The following ZNF888 variants were observed in gnomAD, a reference collection of about 807,000 sequenced individuals.
ZNF888 encodes CTD-2331H12.6.
Under a neutral mutation model 7.2 loss-of-function variants are expected in ZNF888, and 5 were observed. The ratio of observed to expected loss-of-function variants is 0.70; its 90% CI spans 0.36 to 1.46. ZNF888 has a LOEUF of 1.46. Among genes scored for constraint, ZNF888 ranks in the 40% most tolerant of loss-of-function variants. The pLI is 0.03. For synonymous variants in ZNF888, 240 were observed against 284.3 expected, an observed-to-expected ratio of 0.84 and a Z score of 1.57; for missense variants, 716 against 858.0, an observed-to-expected ratio of 0.83 and a Z score of 2.07.
At chr19:52,909,329 C>T (rs2064649777) in intron 4 of ZNF888, among the ~76,000 whole-genome samples, 2 of 151,190 alleles carry the variant, frequency 1.3e-5, no homozygotes, top group African/African-American at 2.4e-5. Flanking sequence ...CTCACTGTAA[C>T]CTCAACCTCC....
rs1037082426 is a variant in ZNF888, at chr19:52,917,261, A to C, written c.15+598T>G. The C allele has an allele frequency of 2.3e-5, 4 of 171,230 alleles. No individual in the cohort carries two copies. The South Asian group carries it at 4.2e-4, about 18-fold the overall frequency. The allele number at this position is 171,230 out of a possible 1,614,324, so 10.6% of individuals were successfully genotyped here. A position where few individuals can be genotyped will look rare whatever the true frequency, so the allele number is the denominator to read the frequency against. ...AATGGTGCAATCTCAGGTCACTGCA[A>C]CCTCCGCCTCCCGATTTCAAGTCAT... On this transcript the variant is annotated intron_variant, in intron 3 of 4. Transcript: ENST00000638862.
rs569563460 is a variant in ZNF888 at position 52,920,722 on chromosome 19, C to T, written c.-177-1785G>A. On this transcript the variant is annotated intron_variant, in intron 1 of 4. Coordinates refer to ENST00000638862, the MANE Select transcript of ZNF888 (RefSeq NM_001393938.1). ...GAAAATGTTTAAATTTACCTATAGC[C>T]TGGAGGCCTGCCCACCACCCCTTTG... Among the ~76,000 whole-genome samples the T allele has an allele frequency of 1.4e-3, 89 of 62,736 alleles. 37 individuals are homozygous for T. The highest frequency in any genetic ancestry group is 2.8e-3 in the Non-Finnish European group (75 of 27,176). The allele number at this position is 62,736 out of a possible 152,430, so 41.2% of individuals were successfully genotyped here.
intron 2 of ZNF888, 127 bp from the exon 3 acceptor site, chr19:52,918,058 G>A: frequency 1.4e-6 from 2 of 1,452,082 alleles, no homozygotes; most frequent in Admixed American, 2.6e-5. Flanking sequence ...CCACTCTGCT[G>A]CCCACCATAC....
Position 52,917,906 on chromosome 19 carries a change from G to C in ZNF888, c.-33C>G, listed in dbSNP as rs1315223648. ...TCCTTTGCTTTCCTCTTCCTCTTCTGAGTTTCTTCTTCACATACCCAGAGT... is the reference window on the plus strand; with the variant it reads ...TCCTTTGCTTTCCTCTTCCTCTTCTCAGTTTCTTCTTCACATACCCAGAGT... On this transcript the variant is annotated 5_prime_UTR_variant, in exon 3 of 5. Transcript: ENST00000638862. 6.2e-7 allele frequency: 1 copy of C among 1,610,848 alleles called. No homozygotes were observed. The highest frequency in any genetic ancestry group is 8.5e-7 in the Non-Finnish European group (1 of 1,179,984).
Position 52,905,377 on chromosome 19 carries a change from A to C in ZNF888, c.*788T>G, listed in dbSNP as rs1340694343. The C allele has an allele frequency of 2.6e-5, 4 of 154,312 alleles. No homozygotes were observed. The highest frequency in any genetic ancestry group is 5.7e-5 in the Non-Finnish European group (4 of 70,412). The allele number at this position is 154,312 out of a possible 1,614,324, so 9.6% of individuals were successfully genotyped here. A position where few individuals can be genotyped will look rare whatever the true frequency, so the allele number is the denominator to read the frequency against. Reference sequence around the variant, plus strand: ...TCCACTACCTACCCAAATCCTATAAAACGGCCCCACCCCATCTCCCTTCCC... The same window carrying C: ...TCCACTACCTACCCAAATCCTATAACACGGCCCCACCCCATCTCCCTTCCC... On this transcript the variant is annotated 3_prime_UTR_variant, in exon 5 of 5. Transcript: ENST00000638862.
intron 4 of ZNF888, among the ~76,000 whole-genome samples, chr19:52,912,400 A>G (rs553645740): frequency 1.3e-5 from 2 of 150,738 alleles, no homozygotes; most frequent in South Asian, 2.2e-4. Context: ...GGCATGAGCC[A>G]CCGTGCCTGG....
At chr19:52,921,615 C>G in intron 1 of ZNF888, 1 of 969,054 alleles carries the variant, frequency 1.0e-6, no homozygotes, top group Non-Finnish European at 1.2e-6. Context: ...TTAATTTTTC[C>G]TTACAAGAAA....
intron 4 of ZNF888, chr19:52,913,863 C>T (rs1298273736): frequency 4.3e-5 from 21 of 493,854 alleles, no homozygotes; most frequent in Non-Finnish European, 4.7e-5. Flanking sequence ...TGGTGGCTCA[C>T]GCCTGTAATC....
chr19:52,910,718 T>C (rs138232017), intron 4 of ZNF888, among the ~76,000 whole-genome samples: 1 of 152,202 alleles, frequency 6.6e-6, no homozygotes, highest in East Asian at 1.9e-4. Context: ...CAGGAACTTA[T>C]TTGGCTGGCA....
chr19:52,918,514 A>T (rs2064776136), intron 2 of ZNF888, among the ~76,000 whole-genome samples: 1 of 152,140 alleles, frequency 6.6e-6, no homozygotes, highest in South Asian at 2.1e-4. Context: ...TGAAGCCTGT[A>T]ATACTAGCAC....
rs1256601634 is a variant in ZNF888, at chr19:52,918,963, C to T, written c.-177-26G>A. On this transcript the variant is annotated intron_variant, in intron 1 of 4. Coordinates refer to ENST00000638862, the MANE Select transcript of ZNF888 (RefSeq NM_001393938.1). ...CTGTTTGAAAAAAAAAAAAAATCTC[C>T]CTCTCCCTCCCCCTCCCTCTCCCTC... 2 of 2,752 alleles carry T rather than the reference C, an allele frequency of 7.3e-4. 1 individual carries two copies. The highest frequency in any genetic ancestry group is 0.01 in the Admixed American group (2 of 200). 0.2% of individuals were successfully genotyped at this position (2,752 alleles called of 1,614,324 possible). A position where few individuals can be genotyped will look rare whatever the true frequency, so the allele number is the denominator to read the frequency against.
intron 4 of ZNF888, among the ~76,000 whole-genome samples, chr19:52,912,355 C>T (rs901656120): frequency 4.0e-5 from 6 of 151,100 alleles, no homozygotes; most frequent in South Asian, 2.1e-4. Flanking sequence ...CCTCGTGATC[C>T]GCCCCCCTCG....
At position 52,904,684 on chromosome 19, in the gene ZNF888, T is replaced by C. The variant is rs1245024220; in HGVS notation, c.*1481A>G. On this transcript the variant is annotated 3_prime_UTR_variant, in exon 5 of 5. Coordinates refer to ENST00000638862, the MANE Select transcript of ZNF888 (RefSeq NM_001393938.1). ...TCTATGAATAACATCAGTTTCTAAG[T>C]TATGAGTTGATTTTTAACTACTGGG... 1.3e-5 allele frequency: 2 copies of C among 152,206 alleles called. No individual in the cohort carries two copies. Among genetic ancestry groups the C allele is most frequent in the African/African-American group, 4.8e-5 (2 of 41,450 alleles). 9.4% of individuals were successfully genotyped at this position (152,206 alleles called of 1,614,324 possible). A position where few individuals can be genotyped will look rare whatever the true frequency, so the allele number is the denominator to read the frequency against.
In ZNF888 at chr19:52,906,523, T is replaced by G; in HGVS notation, c.1799A>C (p.His600Pro). ...QSQLACHHRLHTGEKPYKCEE... is the reference protein window; with the variant it reads ...QSQLACHHRLPTGEKPYKCEE... Reference sequence around the variant, plus strand: ...ACATTTGTAAGGTTTCTCTCCAGTATGAAGTCTATGATGACATGCAAGTTG... The same window carrying G: ...ACATTTGTAAGGTTTCTCTCCAGTAGGAAGTCTATGATGACATGCAAGTTG... Residue 600 changes from histidine to proline, a missense_variant, in exon 5 of 5, where the codon CAT (histidine) becomes CCT (proline). By Grantham distance (77) the His-to-Pro change is moderately conservative (BLOSUM62 -2). Transcript: ENST00000638862. The G allele has an allele frequency of 1.2e-6, 2 of 1,613,824 alleles. No homozygotes were observed. Among genetic ancestry groups the G allele is most frequent in the South Asian group, 2.2e-5 (2 of 91,054 alleles).
In ZNF888 at chr19:52,906,998, C is replaced by G. The variant is rs1320617352; in HGVS notation, c.1324G>C (p.Glu442Gln). 5 of 1,612,054 alleles carry G rather than the reference C, an allele frequency of 3.1e-6. No homozygotes were observed. In the East Asian group the frequency reaches 1.1e-4, roughly 36 times the overall value. The change falls in exon 5 of 5, where the codon GAA becomes CAA. Residue 442 changes from glutamate (E) to glutamine (Q), a missense_variant. By Grantham distance (29) the Glu-to-Gln change is conservative (BLOSUM62 2). Coordinates refer to ENST00000638862, the MANE Select transcript of ZNF888 (RefSeq NM_001393938.1). ...HTGEKPYKCNECGKVFNQQSN... is the reference protein window; with the variant it reads ...HTGEKPYKCNQCGKVFNQQSN... ...TGTTGATTGAAAACCTTGCCACATT[C>G]ATTACACTTGTAAGGTTTCTCTCCA...
At chr19:52,913,678 A>G (rs2064712072) in intron 4 of ZNF888, 1 of 970,670 alleles carries the variant, frequency 1.0e-6, no homozygotes, top group Non-Finnish European at 1.2e-6. Context: ...GATGTTTAAC[A>G]TACCTGCAAC....
At chr19:52,917,575 C>T (rs377522037) in intron 3 of ZNF888, among the ~76,000 whole-genome samples, 6 of 152,126 alleles carry the variant, frequency 3.9e-5, no homozygotes, top group South Asian at 2.1e-4. Flanking sequence ...CAATCCCTGC[C>T]GCCCAACACC....
chr19:52,907,300 A>C lies in ZNF888; in HGVS notation c.1022T>G (p.Leu341Arg). The C allele has an allele frequency of 1.2e-6, 2 of 1,613,440 alleles. No individual in the cohort carries two copies. The highest frequency in any genetic ancestry group is 1.7e-6 in the Non-Finnish European group (2 of 1,179,818). Residue 341 changes from leucine (L) to arginine (R), a missense_variant, in exon 5 of 5, where the codon CTT (leucine) becomes CGT (arginine). By Grantham distance (102) the Leu-to-Arg change is moderately radical (BLOSUM62 -2). Transcript: ENST00000638862. ...CGKVFNQQSN[L>R]ARHHRVHTGE... ...AGTATGAACTCTATGATGACGTGCAAGGTTTGATTGTTGATTAAAAACCTT... is the reference window on the plus strand; with the variant it reads ...AGTATGAACTCTATGATGACGTGCACGGTTTGATTGTTGATTAAAAACCTT...
intron 4 of ZNF888, among the ~76,000 whole-genome samples, chr19:52,911,440 G>A (rs1015637312): frequency 4.0e-5 from 6 of 151,662 alleles, no homozygotes; most frequent in African/African-American, 1.2e-4. Context: ...CCGGGTTCAC[G>A]CCATTCTCCT....
Sources: gnomAD v4.1 joint callset for allele counts (sites outside exome capture counted in the v4.1 genomes callset) on GRCh38, gnomAD v4.1.1 for gene constraint, MANE v1.5 for transcripts, NCBI Gene and HGNC (gene_info 2026-07-23, HGNC 2026-07-21) for gene names.